Variants in TSPAN15 observed in about 807,000 individuals in gnomAD.
TSPAN15 encodes the protein tetraspanin-15.
Under a neutral mutation model 34.5 loss-of-function variants are expected in TSPAN15, and 20 were observed. The observed-to-expected ratio is 0.58, with a 90% CI of 0.41 to 0.84. The LOEUF is 0.84. Among genes scored for constraint, TSPAN15 ranks in the 40% least tolerant of loss-of-function variants. The pLI is 0.00. For missense variants in TSPAN15, 313 were observed against 386.1 expected (o/e 0.81, Z 1.59); for synonymous variants, 155 against 153.9 (o/e 1.01, Z -0.05).
chr10:69,493,944 C>G (rs955204114), intron 3 of TSPAN15, among the ~76,000 whole-genome samples: 2 of 152,206 alleles, frequency 1.3e-5, no homozygotes, highest in African/African-American at 4.8e-5. Context: ...TGGCTTTGAG[C>G]AGAGCGAGGC....
intron 1 of TSPAN15, among the ~76,000 whole-genome samples, chr10:69,472,597 C>T (rs1161217051): frequency 6.6e-6 from 1 of 152,276 alleles, no homozygotes; most frequent in South Asian, 2.1e-4. Flanking sequence ...AGAATAGGGA[C>T]TCCTCCCTCC....
downstream of TSPAN15, among the ~76,000 whole-genome samples, chr10:69,507,918 T>G: frequency 6.7e-6 from 1 of 148,718 alleles, no homozygotes; most frequent in Admixed American, 6.7e-5. Flanking sequence ...GGAAATGGGG[T>G]GGATGGGGTG....
the TSPAN15 span, among the ~76,000 whole-genome samples, chr10:69,532,892 A>G: frequency 1.3e-5 from 2 of 152,232 alleles, no homozygotes; most frequent in African/African-American, 4.8e-5. Context: ...TTCTCAAAAG[A>G]AGGTATACAA....
At chr10:69,495,971 A>G (rs895587652) in intron 4 of TSPAN15, among the ~76,000 whole-genome samples, 1 of 152,030 alleles carries the variant, frequency 6.6e-6, no homozygotes, top group Non-Finnish European at 1.5e-5. Flanking sequence ...CATACCCCCA[A>G]ATAAAACAAA....
rs181601440 is a variant in TSPAN15 at position 69,501,378 on chromosome 10, T to C, written c.570+2982T>C. 2.2e-3 allele frequency among the ~76,000 whole-genome samples: 338 copies of C among 152,338 alleles called. 1 individual carries two copies. The highest frequency in any genetic ancestry group is 7.5e-3 in the African/African-American group (311 of 41,582). On this transcript the variant is annotated intron_variant, in intron 5 of 7. Coordinates refer to ENST00000373290, the MANE Select transcript of TSPAN15 (RefSeq NM_012339.5). ...GGGTTATCTGACCCTGTGTTACACA[T>C]GACCATTGAGTCTCCCTGTGCCACC...
chr10:69,467,078 T>C (rs1225695409), intron 1 of TSPAN15, among the ~76,000 whole-genome samples: 2 of 152,170 alleles, frequency 1.3e-5, no homozygotes, highest in Non-Finnish European at 2.9e-5. Context: ...TGTTGGCTTG[T>C]CGCATGCATC....
At chr10:69,539,412 AGAG>A in the TSPAN15 span, among the ~76,000 whole-genome samples, 5 of 144,878 alleles carry the variant, frequency 3.5e-5, no homozygotes, top group African/African-American at 7.9e-5. Context: ...AGGAAGAGGA[AGAG>A]GAAGAAGAAG....
chr10:69,458,628 G>A (rs1156678983), intron 1 of TSPAN15, among the ~76,000 whole-genome samples: 1 of 152,116 alleles, frequency 6.6e-6, no homozygotes, highest in African/African-American at 2.4e-5. Flanking sequence ...TGATCTCATA[G>A]CATCAGACTG....
chr10:69,456,233 G>A (rs561383644), intron 1 of TSPAN15, among the ~76,000 whole-genome samples: 24 of 151,880 alleles, frequency 1.6e-4, no homozygotes, highest in Middle Eastern at 3.4e-3. Flanking sequence ...GACTACAGGC[G>A]CCTACTACCA....
chr10:69,480,699 T>A (rs530434221), intron 1 of TSPAN15, among the ~76,000 whole-genome samples: 1 of 152,196 alleles, frequency 6.6e-6, no homozygotes, highest in African/African-American at 2.4e-5. Flanking sequence ...TTTTCTTTTC[T>A]TTTCTTCTTC....
chr10:69,472,536 C>T (rs571948992), intron 1 of TSPAN15, among the ~76,000 whole-genome samples: 1 of 152,278 alleles, frequency 6.6e-6, no homozygotes, highest in African/African-American at 2.4e-5. Context: ...ATGTCTGGTA[C>T]ATAAGAGGTG....
the TSPAN15 span, among the ~76,000 whole-genome samples, chr10:69,536,292 G>C: frequency 4.6e-5 from 7 of 152,168 alleles, no homozygotes; most frequent in African/African-American, 1.7e-4. Flanking sequence ...CATTTGACCA[G>C]TATTATATTG....
At chr10:69,531,395 T>C in the TSPAN15 span, among the ~76,000 whole-genome samples, 13 of 152,090 alleles carry the variant, frequency 8.5e-5, no homozygotes, top group Non-Finnish European at 1.5e-4. Context: ...GCACAGCAGT[T>C]TGAGACCAGC....
chr10:69,478,945 GT>G (rs1283182766), intron 1 of TSPAN15, among the ~76,000 whole-genome samples: 2 of 152,170 alleles, frequency 1.3e-5, no homozygotes, highest in Non-Finnish European at 2.9e-5. Context: ...ACTTCAGTTT[GT>G]TGCCCACATC....
Position 69,453,230 on chromosome 10 carries a change from T to C in TSPAN15, c.96+1540T>C, listed in dbSNP as rs114664424. Among the ~76,000 whole-genome samples the C allele has an allele frequency of 9.9e-3, 1,502 of 152,234 alleles. 26 individuals carry two copies. Among genetic ancestry groups the C allele is most frequent in the African/African-American group, 0.034 (1,419 of 41,506 alleles). Reference sequence around the variant, plus strand: ...TATGTGGGATGGGAGTGGGGGTGATTTGAGCTATAAATCAGCGGTTGCATC... The same window carrying C: ...TATGTGGGATGGGAGTGGGGGTGATCTGAGCTATAAATCAGCGGTTGCATC... On this transcript the variant is annotated intron_variant, in intron 1 of 7. Coordinates refer to ENST00000373290, the MANE Select transcript of TSPAN15 (RefSeq NM_012339.5).
chr10:69,465,962 G>C (rs1475376633), intron 1 of TSPAN15, among the ~76,000 whole-genome samples: 1 of 152,228 alleles, frequency 6.6e-6, no homozygotes, highest in African/African-American at 2.4e-5. Context: ...CTCTGCTGGA[G>C]TAGCACCAGC....
intron 1 of TSPAN15, among the ~76,000 whole-genome samples, chr10:69,475,487 G>A (rs1033554793): frequency 2.0e-5 from 3 of 152,062 alleles, no homozygotes; most frequent in African/African-American, 2.4e-5. Flanking sequence ...TTGTTCTACC[G>A]CTTCTACCTG....
chr10:69,536,159 C>T, the TSPAN15 span, among the ~76,000 whole-genome samples: 1 of 152,202 alleles, frequency 6.6e-6, no homozygotes, highest in Non-Finnish European at 1.5e-5. Context: ...TGAACAGGTT[C>T]TATTTGACAC....
At chr10:69,533,755 G>A in the TSPAN15 span, among the ~76,000 whole-genome samples, 1 of 151,868 alleles carries the variant, frequency 6.6e-6, no homozygotes, top group East Asian at 1.9e-4. Context: ...AGAAGCACAG[G>A]TAAAACAACC....
Sources: gnomAD v4.1 joint callset for allele counts (sites outside exome capture counted in the v4.1 genomes callset) on GRCh38, gnomAD v4.1.1 for gene constraint, MANE v1.5 for transcripts, NCBI Gene and HGNC (gene_info 2026-07-23, HGNC 2026-07-21) for gene names.